The following ODR4 variants were observed in gnomAD, a reference collection of about 807,000 sequenced individuals.
The protein encoded by ODR4 is odr-4 GPCR localization factor homolog, also known as protein odr-4 homolog.
A neutral mutation model predicts 60.2 loss-of-function variants in ODR4; 47 were observed. The observed-to-expected ratio is 0.78, with a 90% CI of 0.62 to 1.00. The LOEUF (loss-of-function observed/expected upper bound fraction) is 1.00, where lower values mean the gene tolerates loss of function less well. Ranked by LOEUF, ODR4 falls within the 50% of genes least tolerant of loss-of-function variation. ODR4 has a pLI of 0.00. For synonymous variants in ODR4, 178 were observed against 175.5 expected, an observed-to-expected ratio of 1.01 and a Z score of -0.11; for missense variants, 488 against 530.8, an observed-to-expected ratio of 0.92 and a Z score of 0.79.
At chr1:186,401,211 A>G (rs1056408564) in intron 11 of ODR4, 2 of 1,541,308 alleles carry the variant, frequency 1.3e-6, no homozygotes. Context: ...TAGTAAAATT[A>G]ATGGCCCCTA....
At chr1:186,430,377 TA>T in the ODR4 span, among the ~76,000 whole-genome samples, 2 of 152,134 alleles carry the variant, frequency 1.3e-5, no homozygotes, top group South Asian at 4.1e-4. Flanking sequence ...AACTATCCTT[TA>T]TTCAACTTGC....
At position 186,399,062 on chromosome 1, in the gene ODR4, GTACTTTT is replaced by G; in HGVS notation, c.1000+20_1000+26del. 1 of 1,519,000 alleles carries G rather than the reference GTACTTTT, an allele frequency of 6.6e-7. No homozygotes were observed. Among genetic ancestry groups the G allele is most frequent in the Non-Finnish European group, 9.1e-7 (1 of 1,102,210 alleles). The allele number at this position is 1,519,000 out of a possible 1,614,324, so 94.1% of individuals were successfully genotyped here. A position where few individuals can be genotyped will look rare whatever the true frequency, so the allele number is the denominator to read the frequency against. ...AAAAAAAGTTATGAGTATAAAATAAGTACTTTTTTGCGTATCTTCAACTGATATAGTA... is the reference window on the plus strand; with the variant it reads ...AAAAAAAGTTATGAGTATAAAATAAGTTGCGTATCTTCAACTGATATAGTA... On this transcript the variant is annotated intron_variant, in intron 11 of 13. Transcript: ENST00000287859.
downstream of ODR4, among the ~76,000 whole-genome samples, chr1:186,425,936 C>G (rs1191228247): frequency 6.6e-6 from 1 of 152,142 alleles, no homozygotes; most frequent in Non-Finnish European, 1.5e-5. Context: ...TTTCTCTCTT[C>G]TCCTGTTTGA....
chr1:186,391,751 G>A lies in ODR4; in HGVS notation c.671G>A (p.Gly224Glu). The change falls in exon 8 of 14, where the codon GGA becomes GAA. Residue 224 changes from glycine (G) to glutamate (E), a missense_variant. Transcript: ENST00000287859. ...GAAAATGGTGTTTATTTGATTAATG[G>A]ACAAGTTAAAGATGAAGATTGTGAC... ...EIENGVYLIN[G>E]QVKDEDCDLL... The A allele has an allele frequency of 1.2e-6, 2 of 1,604,696 alleles. No homozygotes were observed. The highest frequency in any genetic ancestry group is 1.3e-5 in the African/African-American group (1 of 74,896).
chr1:186,427,557 C>T, the ODR4 span, among the ~76,000 whole-genome samples: 3 of 152,230 alleles, frequency 2.0e-5, no homozygotes, highest in Non-Finnish European at 4.4e-5. Context: ...TGAGCCCCCT[C>T]AGTCATTCAT....
chr1:186,432,785 ATT>A, the ODR4 span, among the ~76,000 whole-genome samples: 6 of 142,046 alleles, frequency 4.2e-5, no homozygotes, highest in Admixed American at 7.1e-5. Flanking sequence ...AATCTGGCAG[ATT>A]TTTTTTTTTT....
At chr1:186,399,604 C>T (rs1211344593) in intron 11 of ODR4, among the ~76,000 whole-genome samples, 1 of 152,144 alleles carries the variant, frequency 6.6e-6, no homozygotes, top group Non-Finnish European at 1.5e-5. Context: ...TCCAAGTGAA[C>T]TTCTCCTGCC....
At chr1:186,389,686 C>T in intron 6 of ODR4, 62 bp downstream of exon 6, 1 of 1,217,794 alleles carries the variant, frequency 8.2e-7, no homozygotes, top group Admixed American at 2.6e-5. Context: ...CAAAATTCAG[C>T]TTTTATTTAG....
intron 1 of ODR4, among the ~76,000 whole-genome samples, chr1:186,377,025 T>TA (rs1659802603): frequency 6.6e-6 from 1 of 152,158 alleles, no homozygotes; most frequent in African/African-American, 2.4e-5. Flanking sequence ...GGGGCATTGG[T>TA]TCCAGGACCC....
At chr1:186,395,482 C>T (rs936710335) in intron 9 of ODR4, among the ~76,000 whole-genome samples, 4 of 152,134 alleles carry the variant, frequency 2.6e-5, no homozygotes, top group Admixed American at 6.6e-5. Context: ...GACTAATATA[C>T]AGTAAGTAGT....
intron 2 of ODR4, among the ~76,000 whole-genome samples, chr1:186,380,577 A>G (rs958846402): frequency 6.9e-5 from 10 of 144,568 alleles, no homozygotes; most frequent in Admixed American, 1.4e-4. Flanking sequence ...TACAAAGCCA[A>G]AAAAAAAAAA....
At chr1:186,418,417 A>C (rs1661666665) in intron 13 of ODR4, among the ~76,000 whole-genome samples, 1 of 151,324 alleles carries the variant, frequency 6.6e-6, no homozygotes, top group Non-Finnish European at 1.5e-5. Flanking sequence ...CAGCCTCCCG[A>C]GTAGCTGGGA....
At chr1:186,429,482 G>A in the ODR4 span, among the ~76,000 whole-genome samples, 1 of 151,988 alleles carries the variant, frequency 6.6e-6, no homozygotes, top group African/African-American at 2.4e-5. Flanking sequence ...TGCATGTTTA[G>A]GAGAAAGAAC....
intron 12 of ODR4, among the ~76,000 whole-genome samples, chr1:186,408,369 C>T (rs1376800415): frequency 6.6e-6 from 1 of 151,912 alleles, no homozygotes; most frequent in Non-Finnish European, 1.5e-5. Context: ...TTCTTCATTC[C>T]ATCCCTTTAA....
rs972084287 is a variant in ODR4, at chr1:186,418,007, G to A, written c.1297+353G>A. The stretch of plus-strand genomic sequence containing the variant: ...TGATAGGTGTTCTATGACAAACAAC[G>A]TTAAATTCAAGTCAGGAATTTTATA... On this transcript the variant is annotated intron_variant, in intron 13 of 13. Coordinates refer to ENST00000287859, the MANE Select transcript of ODR4 (RefSeq NM_017847.6). 3.9e-5 allele frequency among the ~76,000 whole-genome samples: 6 copies of A among 152,192 alleles called. 1 individual carries two copies. In the South Asian group the frequency reaches 8.3e-4, roughly 21 times the overall value.
chr1:186,433,873 C>G, the ODR4 span, among the ~76,000 whole-genome samples: 4 of 152,172 alleles, frequency 2.6e-5, no homozygotes, highest in Admixed American at 2.0e-4. Context: ...GCCACCGCGC[C>G]TGGCCAGTTG....
intron 9 of ODR4, among the ~76,000 whole-genome samples, chr1:186,398,089 T>C (rs1335810575): frequency 1.3e-5 from 2 of 152,218 alleles, no homozygotes; most frequent in African/African-American, 2.4e-5. Context: ...AATTTAGATG[T>C]AGTTGTGTTT....
chr1:186,421,111 A>G lies in ODR4; in HGVS notation c.*2035A>G, dbSNP rs1443247721. ...AAAAACTATTAGCTTAGAATTTGCAACAAGCGAAACTGAAACAAACAGATG... is the reference window on the plus strand; with the variant it reads ...AAAAACTATTAGCTTAGAATTTGCAGCAAGCGAAACTGAAACAAACAGATG... On this transcript the variant is annotated 3_prime_UTR_variant, in exon 14 of 14. Coordinates refer to ENST00000287859, the MANE Select transcript of ODR4 (RefSeq NM_017847.6). The G allele has an allele frequency of 1.3e-5, 2 of 152,220 alleles. No homozygotes were observed. The highest frequency in any genetic ancestry group is 1.5e-5 in the Non-Finnish European group (1 of 68,044). The allele number at this position is 152,220 out of a possible 1,614,324, so 9.4% of individuals were successfully genotyped here.
intron 12 of ODR4, among the ~76,000 whole-genome samples, chr1:186,409,902 T>A (rs2697467): frequency 0.99 from 150,678 of 152,340 alleles, 74,520 homozygotes; most frequent in East Asian, 1. Flanking sequence ...ACTTCAGACT[T>A]GTTCAGACTA....
Sources: allele counts gnomAD v4.1 joint callset (sites outside exome capture counted in the v4.1 genomes callset), GRCh38; gene constraint gnomAD v4.1.1; transcripts MANE v1.5; gene names NCBI Gene and HGNC (gene_info 2026-07-23, HGNC 2026-07-21).